Variants in ELMO1 observed in about 807,000 individuals in gnomAD.
The protein encoded by ELMO1 is engulfment and cell motility 1.
A neutral mutation model predicts 98.9 loss-of-function variants in ELMO1; 26 were observed. The observed-to-expected ratio is 0.26, with a 90% CI of 0.19 to 0.36. The LOEUF (loss-of-function observed/expected upper bound fraction) is 0.36. Among genes scored for constraint, ELMO1 ranks in the 10% least tolerant of loss-of-function variants. The pLI is 1.00. For synonymous variants in ELMO1, 346 were observed against 346.0 expected (o/e 1.00, Z 0.00); for missense variants, 627 against 935.2 (o/e 0.67, Z 4.30).
rs1790671650 is a variant in ELMO1, at chr7:37,178,982, T to C, written c.1086+32404A>G. On this transcript the variant is annotated intron_variant, in intron 13 of 21. Coordinates refer to ENST00000310758, the MANE Select transcript of ELMO1 (RefSeq NM_014800.11). ...AAAACCTGGTGAAATCCTAAAACAC[T>C]CTGCTGTTTGGTTAACAGGATCACA... is the stretch of plus-strand genomic sequence containing the variant. Among the ~76,000 whole-genome samples the C allele has an allele frequency of 1.3e-5, 2 of 152,180 alleles. 1 individual carries two copies. The highest frequency in any genetic ancestry group is 4.1e-4 in the South Asian group (2 of 4,826).
chr7:37,373,606 C>T (rs1157845043), intron 1 of ELMO1, among the ~76,000 whole-genome samples: 3 of 142,900 alleles, frequency 2.1e-5, no homozygotes, highest in Non-Finnish European at 3.0e-5. Flanking sequence ...AAGACTCCAT[C>T]TCAAAAAAAA....
intron 16 of ELMO1, among the ~76,000 whole-genome samples, chr7:36,964,182 C>T (rs1789206946): frequency 6.6e-6 from 1 of 152,122 alleles, no homozygotes; most frequent in Non-Finnish European, 1.5e-5. Flanking sequence ...TTGTATATGA[C>T]TCAGTGAAAT....
chr7:37,040,005 G>A (rs745416696), intron 15 of ELMO1, among the ~76,000 whole-genome samples: 2 of 152,236 alleles, frequency 1.3e-5, no homozygotes, highest in Non-Finnish European at 1.5e-5. Context: ...TTGTCCAGTA[G>A]GCTTTCCTGT....
chr7:37,257,830 C>T (rs1795760473), intron 6 of ELMO1, among the ~76,000 whole-genome samples: 1 of 151,216 alleles, frequency 6.6e-6, no homozygotes, highest in African/African-American at 2.4e-5. Context: ...GAAACCCTGT[C>T]TCTACTAAAA....
At chr7:37,386,924 C>T (rs1802830750) in intron 1 of ELMO1, among the ~76,000 whole-genome samples, 1 of 152,152 alleles carries the variant, frequency 6.6e-6, no homozygotes, top group Non-Finnish European at 1.5e-5. Context: ...GATCTTCACT[C>T]CCAGAGAGTC....
chr7:37,289,470 T>C lies in ELMO1; in HGVS notation c.193-17588A>G, dbSNP rs570663968. 2.6e-5 allele frequency among the ~76,000 whole-genome samples: 4 copies of C among 152,348 alleles called. No homozygotes were observed. In the East Asian group the frequency reaches 7.7e-4, roughly 29 times the overall value. On this transcript the variant is annotated intron_variant, in intron 4 of 21. Transcript: ENST00000310758. ...GAACCATCTGTCATCAGCTGTTCAC[T>C]AACGCCACAGCACCAGGCAGCCTCA...
At chr7:37,033,854 T>C (rs1034014824) in intron 15 of ELMO1, among the ~76,000 whole-genome samples, 1 of 152,138 alleles carries the variant, frequency 6.6e-6, no homozygotes, top group Non-Finnish European at 1.5e-5. Flanking sequence ...TTCAGAATCT[T>C]CAGGGGTGCG....
At chr7:36,974,044 G>A (rs368664588) in intron 16 of ELMO1, among the ~76,000 whole-genome samples, 3 of 152,224 alleles carry the variant, frequency 2.0e-5, no homozygotes, top group Non-Finnish European at 4.4e-5. Flanking sequence ...GCTCCTGTGC[G>A]TCTGGAGCCT....
At chr7:36,927,368 T>G (rs191217127) in intron 16 of ELMO1, among the ~76,000 whole-genome samples, 2 of 152,250 alleles carry the variant, frequency 1.3e-5, no homozygotes, top group Admixed American at 6.5e-5. Flanking sequence ...TTTAACCTAA[T>G]GCTTCTCGAA....
At chr7:37,124,755 T>C (rs1287200080) in intron 14 of ELMO1, among the ~76,000 whole-genome samples, 6 of 151,498 alleles carry the variant, frequency 4.0e-5, no homozygotes, top group Non-Finnish European at 5.9e-5. Context: ...AAGCTACCAA[T>C]GACTTTCTTC....
At position 37,238,993 on chromosome 7, in the gene ELMO1, T is replaced by C. The variant is rs539899099; in HGVS notation, c.449+5363A>G. 6.6e-5 allele frequency among the ~76,000 whole-genome samples: 10 copies of C among 152,312 alleles called. No individual in the cohort carries two copies. The South Asian group carries it at 1.9e-3, about 28-fold the overall frequency. On this transcript the variant is annotated intron_variant, in intron 7 of 21. Transcript: ENST00000310758. The stretch of plus-strand genomic sequence containing the variant: ...TATAATTTTTATTTCCTGTATTGTC[T>C]TTGCCAGGTTTTGGTATCAGAGTGA...
intron 21 of ELMO1, among the ~76,000 whole-genome samples, chr7:36,860,698 G>A (rs1562776757): frequency 1.3e-5 from 2 of 152,162 alleles, no homozygotes; most frequent in Non-Finnish European, 2.9e-5. Context: ...AGAAACAGTA[G>A]AACACAGTAT....
chr7:37,162,170 T>C lies in ELMO1; in HGVS notation c.1087-28936A>G, dbSNP rs2129330379. On this transcript the variant is annotated intron_variant, in intron 13 of 21. Transcript: ENST00000310758. ...TTCTGAAGACCCAACCTTGCGTTTCTGGAGCCTCTGCAAAAAGAGGCTCAA... is the reference window on the plus strand; with the variant it reads ...TTCTGAAGACCCAACCTTGCGTTTCCGGAGCCTCTGCAAAAAGAGGCTCAA... 2.6e-5 allele frequency among the ~76,000 whole-genome samples: 4 copies of C among 151,890 alleles called. No homozygotes were observed. The Middle Eastern group carries it at 0.014, about 517-fold the overall frequency.
chr7:37,267,513 C>G (rs768767238), intron 5 of ELMO1, among the ~76,000 whole-genome samples: 2 of 152,208 alleles, frequency 1.3e-5, no homozygotes, highest in African/African-American at 2.4e-5. Flanking sequence ...AAATTCCCAG[C>G]AGCAGTACTG....
chr7:36,966,070 T>A (rs951961727), intron 16 of ELMO1, among the ~76,000 whole-genome samples: 1 of 152,184 alleles, frequency 6.6e-6, no homozygotes, highest in Non-Finnish European at 1.5e-5. Context: ...AAGAGGAAAA[T>A]GCTTGGTGTA....
intron 2 of ELMO1, among the ~76,000 whole-genome samples, chr7:37,325,531 A>G (rs1038472351): frequency 6.6e-6 from 1 of 152,188 alleles, no homozygotes; most frequent in African/African-American, 2.4e-5. Flanking sequence ...GTCCAGCGAT[A>G]GCCTCATGGC....
intron 16 of ELMO1, among the ~76,000 whole-genome samples, chr7:36,942,576 G>A (rs1306420864): frequency 1.3e-5 from 2 of 152,180 alleles, no homozygotes; most frequent in African/African-American, 4.8e-5. Flanking sequence ...TTTCTTTGGC[G>A]TAGACAACAG....
chr7:36,940,947 G>A (rs537372421), intron 16 of ELMO1, among the ~76,000 whole-genome samples: 1 of 152,190 alleles, frequency 6.6e-6, no homozygotes, highest in Non-Finnish European at 1.5e-5. Flanking sequence ...TGTGATAACT[G>A]GTCTGGAGAA....
intron 1 of ELMO1, among the ~76,000 whole-genome samples, chr7:37,398,926 G>A (rs908288751): frequency 1.3e-5 from 2 of 152,154 alleles, no homozygotes; most frequent in South Asian, 2.1e-4. Flanking sequence ...TTACAGCTTA[G>A]TGCGGCATGG....
Sources: allele counts gnomAD v4.1 joint callset (sites outside exome capture counted in the v4.1 genomes callset), GRCh38; gene constraint gnomAD v4.1.1; transcripts MANE v1.5; gene names NCBI Gene and HGNC (gene_info 2026-07-23, HGNC 2026-07-21).